ULK4: variants seen among roughly 807,000 people sequenced by gnomAD.
The protein encoded by ULK4 is inactive serine/threonine-protein kinase ULK4.
Under a neutral mutation model 160.6 loss-of-function variants are expected in ULK4, and 133 were observed. The ratio of observed to expected loss-of-function variants is 0.83; its 90% CI spans 0.72 to 0.96. ULK4 has a LOEUF of 0.96. Ranked by LOEUF, ULK4 falls within the 40% of genes least tolerant of loss-of-function variation. ULK4 has a pLI of 0.00. For missense variants in ULK4, 1,580 were observed against 1,499.5 expected, an observed-to-expected ratio of 1.05 and a Z score of -0.89; for synonymous variants, 534 against 539.8, an observed-to-expected ratio of 0.99 and a Z score of 0.15.
In ULK4 at chr3:41,938,537, C is replaced by T. The variant is rs1198336431; in HGVS notation, c.139-340G>A. On this transcript the variant is annotated intron_variant, in intron 2 of 36. Coordinates refer to ENST00000301831, the MANE Select transcript of ULK4 (RefSeq NM_017886.4). The stretch of plus-strand genomic sequence containing the variant: ...TCTCTACTAAAAATATAAAAATTAG[C>T]GGGGCGTGGTGGCACGCGCCTGAAA... Among the ~76,000 whole-genome samples, 7 of 152,056 alleles carry T rather than the reference C, an allele frequency of 4.6e-5. No homozygotes were observed. In the South Asian group the frequency reaches 1.2e-3, roughly 27 times the overall value.
At chr3:41,640,341 G>C (rs576306241) in intron 30 of ULK4, among the ~76,000 whole-genome samples, 1 of 152,138 alleles carries the variant, frequency 6.6e-6, no homozygotes, top group African/African-American at 2.4e-5. Flanking sequence ...TTGGAGCCTA[G>C]CTCTGTATTT....
At chr3:41,744,534 C>G (rs2038353184) in intron 22 of ULK4, among the ~76,000 whole-genome samples, 1 of 151,598 alleles carries the variant, frequency 6.6e-6, no homozygotes, top group Admixed American at 6.6e-5. Context: ...AACAATGAGG[C>G]CTCCAAATAC....
At chr3:41,701,041 C>A (rs2036657317) in intron 27 of ULK4, among the ~76,000 whole-genome samples, 1 of 151,474 alleles carries the variant, frequency 6.6e-6, no homozygotes, top group African/African-American at 2.4e-5. Flanking sequence ...CAGAATATAA[C>A]ACTAAAAAAG....
intron 32 of ULK4, among the ~76,000 whole-genome samples, chr3:41,534,916 T>C (rs890500340): frequency 6.6e-6 from 1 of 152,168 alleles, no homozygotes; most frequent in African/African-American, 2.4e-5. Context: ...GAGACAGATA[T>C]ACATATGGCA....
At chr3:41,463,906 T>C (rs888909333) in intron 32 of ULK4, among the ~76,000 whole-genome samples, 10 of 151,422 alleles carry the variant, frequency 6.6e-5, no homozygotes, top group East Asian at 3.9e-4. Flanking sequence ...AACCTTTGAA[T>C]TGAAATACAA....
At chr3:41,646,293 A>G (rs961815534) in intron 30 of ULK4, among the ~76,000 whole-genome samples, 3 of 152,116 alleles carry the variant, frequency 2.0e-5, no homozygotes, top group Admixed American at 6.6e-5. Flanking sequence ...AGTCTCAATG[A>G]TCTTTACACT....
At chr3:41,901,415 C>T (rs2148792493) in intron 12 of ULK4, among the ~76,000 whole-genome samples, 2 of 150,388 alleles carry the variant, frequency 1.3e-5, no homozygotes, top group South Asian at 4.2e-4. Context: ...CTCCTGACCT[C>T]ATGATCCACC....
Position 41,681,494 on chromosome 3 carries a change from T to C in ULK4, c.2978+14A>G, listed in dbSNP as rs749167553. On this transcript the variant is annotated intron_variant, in intron 29 of 36. Coordinates refer to ENST00000301831, the MANE Select transcript of ULK4 (RefSeq NM_017886.4). Reference sequence around the variant, plus strand: ...CTACACTTCTCTGCATGAATACAACTGCATGATACTTACTGGGGAAGTAAG... The same window carrying C: ...CTACACTTCTCTGCATGAATACAACCGCATGATACTTACTGGGGAAGTAAG... The C allele has an allele frequency of 6.2e-7, 1 of 1,613,716 alleles. No homozygotes were observed. The highest frequency in any genetic ancestry group is 8.5e-7 in the Non-Finnish European group (1 of 1,179,836).
At chr3:41,742,954 T>C (rs2038291012) in intron 22 of ULK4, among the ~76,000 whole-genome samples, 1 of 151,132 alleles carries the variant, frequency 6.6e-6, no homozygotes, top group Admixed American at 6.6e-5. Flanking sequence ...AGAAAAAAAA[T>C]AGAGTCTCAG....
chr3:41,490,571 A>G (rs1305360305), intron 32 of ULK4, among the ~76,000 whole-genome samples: 1 of 152,148 alleles, frequency 6.6e-6, no homozygotes, highest in African/African-American at 2.4e-5. Flanking sequence ...ATATCATCAT[A>G]TACTGCTTTT....
At chr3:41,887,845 T>A (rs1015526766) in intron 16 of ULK4, among the ~76,000 whole-genome samples, 3 of 151,678 alleles carry the variant, frequency 2.0e-5, no homozygotes, top group African/African-American at 7.3e-5. Context: ...AGCACTTCTA[T>A]ATACCTTATA....
At chr3:41,831,528 T>C (rs1027014602) in intron 18 of ULK4, among the ~76,000 whole-genome samples, 3 of 131,910 alleles carry the variant, frequency 2.3e-5, no homozygotes, top group African/African-American at 1.1e-4. Flanking sequence ...TATATATATA[T>C]ATATTTTTTT....
chr3:41,468,334 C>G (rs77246870), intron 32 of ULK4, among the ~76,000 whole-genome samples: 1 of 151,940 alleles, frequency 6.6e-6, no homozygotes, highest in African/African-American at 2.4e-5. Flanking sequence ...GACTGAGGGT[C>G]GAGTAAGTCC....
chr3:41,649,330 G>A (rs2034640832), intron 30 of ULK4, among the ~76,000 whole-genome samples: 1 of 152,154 alleles, frequency 6.6e-6, no homozygotes, highest in Non-Finnish European at 1.5e-5. Flanking sequence ...GCAAGAGGCA[G>A]GAACAGGCAG....
intron 27 of ULK4, 57 bp downstream of exon 27, chr3:41,705,000 T>TA (rs990430195): frequency 7.1e-7 from 1 of 1,414,600 alleles, no homozygotes; most frequent in Non-Finnish European, 9.7e-7. Flanking sequence ...CCTCTTTATA[T>TA]AAGGAATTAC....
At chr3:41,942,966 C>T (rs1700004084) in intron 2 of ULK4, among the ~76,000 whole-genome samples, 1 of 152,130 alleles carries the variant, frequency 6.6e-6, no homozygotes. Flanking sequence ...GTAATCCCAG[C>T]ACTTTGGGAG....
chr3:41,435,353 T>C (rs2083010150), intron 34 of ULK4, among the ~76,000 whole-genome samples: 1 of 152,138 alleles, frequency 6.6e-6, no homozygotes, highest in Admixed American at 6.6e-5. Flanking sequence ...TAACTACTAA[T>C]GATCACAGGG....
At chr3:41,802,960 TTCAAGACCAGCCTG>T (rs996998013) in intron 19 of ULK4, among the ~76,000 whole-genome samples, 3 of 151,578 alleles carry the variant, frequency 2.0e-5, no homozygotes, top group African/African-American at 7.3e-5. Context: ...AGGTCAGGAG[TTCAAGACCAGCCTG>T]TCCAATATGG....
At chr3:41,702,580 T>C (rs73828230) in intron 27 of ULK4, among the ~76,000 whole-genome samples, 28,986 of 152,082 alleles carry the variant, frequency 0.19, 7,373 homozygotes, top group African/African-American at 0.58. Context: ...TGCATGATTA[T>C]GTTAGAATGG....
Sources: allele counts gnomAD v4.1 joint callset (sites outside exome capture counted in the v4.1 genomes callset), GRCh38; gene constraint gnomAD v4.1.1; transcripts MANE v1.5; gene names NCBI Gene and HGNC (gene_info 2026-07-23, HGNC 2026-07-21).